Variants in BPTF observed in about 807,000 individuals in gnomAD.
BPTF encodes bromodomain PHD finger transcription factor.
BPTF carries 18 observed loss-of-function variants against 292.5 expected under a neutral mutation model. The observed-to-expected ratio is 0.06, with a 90% CI of 0.04 to 0.09. BPTF has a LOEUF of 0.09. BPTF is among the 10% of genes least tolerant of loss of function. The probability of loss-of-function intolerance (pLI) is 1.00; values close to 1 mark genes in which losing one functional copy is unlikely to be tolerated. For missense variants in BPTF, 2,726 were observed against 3,498.7 expected (o/e 0.78, Z 5.57); for synonymous variants, 1,225 against 1,251.9 (o/e 0.98, Z 0.45).
chr17:67,939,606 G>A (rs1244013686), intron 18 of BPTF, among the ~76,000 whole-genome samples: 1 of 152,218 alleles, frequency 6.6e-6, no homozygotes, highest in Non-Finnish European at 1.5e-5. Flanking sequence ...GGCCAGGTGA[G>A]GTTGCTCATG....
At chr17:67,941,359 A>T (rs1487202391) in intron 19 of BPTF, among the ~76,000 whole-genome samples, 1 of 152,208 alleles carries the variant, frequency 6.6e-6, no homozygotes, top group African/African-American at 2.4e-5. Context: ...AGGCTGAGGA[A>T]GGAGAATTGC....
chr17:67,893,468 A>C lies in BPTF; in HGVS notation c.2154A>C (p.Gln718His). 1 of 1,614,220 alleles carries C rather than the reference A, an allele frequency of 6.2e-7. No homozygotes were observed. Among genetic ancestry groups the C allele is most frequent in the South Asian group, 1.1e-5 (1 of 91,086 alleles). ...TCAACAATTATTTTAAATTGGGTCA[A>C]GAAGGGAAGTATCGCGTCTACCACA... Reference protein sequence around the residue: ...GNINNYFKLGQEGKYRVYHNQ... With the variant: ...GNINNYFKLGHEGKYRVYHNQ... The change falls in exon 6 of 28, where the codon CAA becomes CAC. Residue 718 changes from glutamine to histidine, a missense_variant. Physicochemically the swap from Gln to His is conservative, Grantham distance 24. This residue lies in a region of BPTF where 63 missense variants were observed against 84.1 expected (regional missense o/e 0.75). Transcript: ENST00000306378.
chr17:67,927,452 T>TA (rs2064012795), intron 15 of BPTF, among the ~76,000 whole-genome samples: 1 of 152,266 alleles, frequency 6.6e-6, no homozygotes, highest in Non-Finnish European at 1.5e-5. Flanking sequence ...TATTTTTCTG[T>TA]AAAAATATTT....
At chr17:67,962,862 G>C (rs1310610561) in intron 24 of BPTF, among the ~76,000 whole-genome samples, 1 of 152,100 alleles carries the variant, frequency 6.6e-6, no homozygotes, top group Non-Finnish European at 1.5e-5. Flanking sequence ...TGGTGTTTGC[G>C]CTTTGCTTTG....
chr17:67,909,803 G>A, intron 10 of BPTF, 42 bp downstream of exon 10: 1 of 1,434,612 alleles, frequency 7.0e-7, no homozygotes. Flanking sequence ...GGGGTGATAA[G>A]AATGCACTGG....
intron 26 of BPTF, among the ~76,000 whole-genome samples, chr17:67,970,169 G>A (rs2068606852): frequency 6.6e-6 from 1 of 151,780 alleles, no homozygotes; most frequent in South Asian, 2.1e-4. Flanking sequence ...GGAGGTGGAG[G>A]TTGCGGTGAG....
At chr17:67,960,961 T>C (rs1197534175) in intron 24 of BPTF, among the ~76,000 whole-genome samples, 2 of 152,204 alleles carry the variant, frequency 1.3e-5, no homozygotes, top group East Asian at 1.9e-4. Context: ...TCTTATCTCA[T>C]TGGAAATTAT....
At chr17:67,852,688 A>T (rs565343627) in intron 1 of BPTF, among the ~76,000 whole-genome samples, 2 of 152,374 alleles carry the variant, frequency 1.3e-5, no homozygotes, top group East Asian at 3.9e-4. Flanking sequence ...GCTTTTGTAA[A>T]CTATATTGAA....
chr17:67,935,181 T>C (rs1036163252), intron 18 of BPTF, among the ~76,000 whole-genome samples: 1 of 152,190 alleles, frequency 6.6e-6, no homozygotes, highest in Non-Finnish European at 1.5e-5. Context: ...CCCAGCACTT[T>C]GGGAGACTAA....
chr17:67,957,635 C>G (rs2067083717), intron 23 of BPTF, among the ~76,000 whole-genome samples: 1 of 152,182 alleles, frequency 6.6e-6, no homozygotes, highest in African/African-American at 2.4e-5. Context: ...CTTAGGGAGG[C>G]CCAGGCAGGC....
intron 9 of BPTF, among the ~76,000 whole-genome samples, chr17:67,906,436 T>C (rs1047384808): frequency 6.6e-6 from 1 of 152,208 alleles, no homozygotes; most frequent in African/African-American, 2.4e-5. Context: ...GTATTTAGAA[T>C]CACCGAACTC....
At chr17:67,844,510 G>T (rs2057876029) in intron 1 of BPTF, among the ~76,000 whole-genome samples, 1 of 150,640 alleles carries the variant, frequency 6.6e-6, no homozygotes, top group Admixed American at 6.6e-5. Flanking sequence ...GCCTCCCAAA[G>T]TGCTGGGATT....
At position 67,911,475 on chromosome 17, in the gene BPTF, C is replaced by T; in HGVS notation, c.3591C>T (p.Ala1197=). ...TAGAAGAAAAAGTCTCTGACCTTGC[C>T]AGTAGAGGCCAGGAACCCAGTAAGA... ...NDIEEKVSDL[A]SRGQEPSKSK... Residue 1197 remains alanine (A), a synonymous_variant, in exon 11 of 28, where the codon GCC becomes GCT. Transcript: ENST00000306378. 6.2e-7 allele frequency: 1 copy of T among 1,614,030 alleles called. No homozygotes were observed.
chr17:67,966,409 A>G, intron 25 of BPTF, 163 bp from the exon 26 acceptor site: 2 of 528,114 alleles, frequency 3.8e-6, no homozygotes, highest in Non-Finnish European at 6.6e-6. Context: ...GAGGAAGCTC[A>G]TCTTAGGTAA....
At chr17:67,952,054 C>CAAA (rs56099409) in intron 23 of BPTF, among the ~76,000 whole-genome samples, 5,906 of 69,316 alleles carry the variant, frequency 0.085, 662 homozygotes, top group Middle Eastern at 0.11. Context: ...GACTCTGTCT[C>CAAA]AAAAAAAAAA....
Position 67,893,504 on chromosome 17 carries a change from C to T in BPTF, c.2190C>T (p.Ser730=), listed in dbSNP as rs1567995982. 4 of 1,614,080 alleles carry T rather than the reference C, an allele frequency of 2.5e-6. No homozygotes were observed. The highest frequency in any genetic ancestry group is 1.1e-5 in the South Asian group (1 of 91,080). Residue 730 remains serine, a synonymous_variant, in exon 6 of 28, where the codon TCC becomes TCT. Coordinates refer to ENST00000306378, the MANE Select transcript of BPTF (RefSeq NM_182641.4). ...ATCGCGTCTACCACAATCAATACTCCACCAATTCATTTGCTTTGAATAAGC... is the reference window on the plus strand; with the variant it reads ...ATCGCGTCTACCACAATCAATACTCTACCAATTCATTTGCTTTGAATAAGC... ...GKYRVYHNQY[S]TNSFALNKHQ... is the part of the protein sequence containing the mutation.
At chr17:67,895,927 G>A (rs1444983411) in intron 7 of BPTF, among the ~76,000 whole-genome samples, 1 of 150,990 alleles carries the variant, frequency 6.6e-6, no homozygotes, top group Non-Finnish European at 1.5e-5. Flanking sequence ...TTTCATAATG[G>A]TGAAATTTGG....
At chr17:67,980,694 T>G (rs1555696316) in intron 27 of BPTF, among the ~76,000 whole-genome samples, 1 of 152,018 alleles carries the variant, frequency 6.6e-6, no homozygotes, top group East Asian at 1.9e-4. Context: ...CAAAGGGAAT[T>G]GGTAAAGGAG....
intron 9 of BPTF, among the ~76,000 whole-genome samples, chr17:67,906,131 G>C (rs531037494): frequency 6.6e-6 from 1 of 152,034 alleles, no homozygotes; most frequent in Non-Finnish European, 1.5e-5. Context: ...CACCAGGCTG[G>C]AGTGCAGTGG....
Sources: gnomAD v4.1 joint callset for allele counts (sites outside exome capture counted in the v4.1 genomes callset) on GRCh38, gnomAD v4.1.1 for gene constraint, gnomAD v4.1.1 regional missense constraint, MANE v1.5 for transcripts, NCBI Gene and HGNC (gene_info 2026-07-23, HGNC 2026-07-21) for gene names.